The following TYW1B variants were observed in gnomAD, a reference collection of about 807,000 sequenced individuals.
TYW1B encodes the protein S-adenosyl-L-methionine-dependent tRNA 4-demethylwyosine synthase TYW1B.
A neutral mutation model predicts 86.9 loss-of-function variants in TYW1B; 73 were observed. That is an observed-to-expected ratio of 0.84 (90% confidence interval 0.70 to 1.02). The LOEUF is 1.02. Among genes scored for constraint, TYW1B ranks in the 50% least tolerant of loss-of-function variants. The probability of loss-of-function intolerance (pLI) is 0.00; values close to 1 mark genes in which losing one functional copy is unlikely to be tolerated. For missense variants in TYW1B, 637 were observed against 827.4 expected (o/e 0.77, Z 2.82); for synonymous variants, 248 against 292.8 (o/e 0.85, Z 1.56).
intron 11 of TYW1B, among the ~76,000 whole-genome samples, chr7:72,656,130 C>A (rs1307890341): frequency 6.6e-6 from 1 of 152,134 alleles, no homozygotes; most frequent in Admixed American, 6.6e-5. Flanking sequence ...GCTGATATCC[C>A]CTTCCCAGCA....
intron 13 of TYW1B, among the ~76,000 whole-genome samples, chr7:72,594,807 C>T (rs1811489789): frequency 6.6e-6 from 1 of 152,150 alleles, no homozygotes; most frequent in Non-Finnish European, 1.5e-5. Flanking sequence ...ATGCCCTGGA[C>T]AAGTGGGATT....
At chr7:72,743,562 G>A (rs139931109) in intron 8 of TYW1B, among the ~76,000 whole-genome samples, 2,109 of 152,246 alleles carry the variant, frequency 0.014, 44 homozygotes, top group African/African-American at 0.048. Context: ...TGGGTTAGTA[G>A]GCTGGGTGCA....
intron 9 of TYW1B, among the ~76,000 whole-genome samples, chr7:72,714,416 A>G (rs1786736517): frequency 6.6e-6 from 1 of 151,904 alleles, no homozygotes; most frequent in African/African-American, 2.4e-5. Flanking sequence ...AAGGAGTTCA[A>G]AACTAGCCTG....
chr7:72,604,712 G>A (rs1811754407), intron 13 of TYW1B, among the ~76,000 whole-genome samples: 1 of 152,108 alleles, frequency 6.6e-6, no homozygotes, highest in African/African-American at 2.4e-5. Context: ...AAGCTGCTAG[G>A]CTGAAAGCCC....
At chr7:72,745,174 G>A (rs543972215) in intron 7 of TYW1B, among the ~76,000 whole-genome samples, 32 of 152,236 alleles carry the variant, frequency 2.1e-4, no homozygotes, top group Middle Eastern at 6.8e-3. Flanking sequence ...ATGGGTGTGA[G>A]CCACCATGCC....
chr7:72,711,720 C>A (rs1348250677), intron 10 of TYW1B, among the ~76,000 whole-genome samples: 1 of 151,808 alleles, frequency 6.6e-6, no homozygotes, highest in Non-Finnish European at 1.5e-5. Context: ...ATCTCCTGAC[C>A]TGGTGATCCG....
At chr7:72,768,621 A>G in intron 7 of TYW1B, among the ~76,000 whole-genome samples, 1 of 151,976 alleles carries the variant, frequency 6.6e-6, no homozygotes, top group East Asian at 1.9e-4. Flanking sequence ...CCCCGTCTCT[A>G]CTAAAAATAC....
chr7:72,716,921 G>C (rs1786799199), intron 9 of TYW1B, among the ~76,000 whole-genome samples: 1 of 149,302 alleles, frequency 6.7e-6, no homozygotes, highest in African/African-American at 2.5e-5. Flanking sequence ...CCAAGACATA[G>C]GGTTCATTGA....
intron 7 of TYW1B, among the ~76,000 whole-genome samples, chr7:72,749,481 G>C (rs1178860818): frequency 6.6e-6 from 1 of 152,060 alleles, no homozygotes; most frequent in African/African-American, 2.4e-5. Flanking sequence ...TTTTAGTAGA[G>C]ACGGGGTTCA....
chr7:72,653,911 C>T (rs1366769409), intron 11 of TYW1B, among the ~76,000 whole-genome samples: 1 of 151,872 alleles, frequency 6.6e-6, no homozygotes, highest in East Asian at 1.9e-4. Flanking sequence ...TGAACCCTGT[C>T]TCTATTAAAA....
chr7:72,605,358 T>G (rs1811768737), intron 13 of TYW1B, among the ~76,000 whole-genome samples: 1 of 151,468 alleles, frequency 6.6e-6, no homozygotes, highest in Admixed American at 6.6e-5. Context: ...TTGTTTGTTT[T>G]GTTTTTTTTT....
intron 11 of TYW1B, among the ~76,000 whole-genome samples, chr7:72,643,190 CAAAA>C (rs1812843148): frequency 6.6e-6 from 1 of 151,710 alleles, no homozygotes; most frequent in South Asian, 2.1e-4. Flanking sequence ...AAAAAGGAAA[CAAAA>C]GAACAGAAAT....
At chr7:72,655,211 G>A (rs534883067) in intron 11 of TYW1B, among the ~76,000 whole-genome samples, 10 of 152,076 alleles carry the variant, frequency 6.6e-5, no homozygotes, top group Non-Finnish European at 8.8e-5. Flanking sequence ...GAAGGAGAGG[G>A]GAAAGGTAAG....
intron 13 of TYW1B, among the ~76,000 whole-genome samples, chr7:72,585,766 C>T (rs1245224937): frequency 2.6e-5 from 4 of 152,264 alleles, no homozygotes; most frequent in Non-Finnish European, 2.9e-5. Context: ...ACCCCAGCCA[C>T]GTGAACTGTG....
At chr7:72,594,061 A>T (rs1811469468) in intron 13 of TYW1B, among the ~76,000 whole-genome samples, 13 of 151,934 alleles carry the variant, frequency 8.6e-5, no homozygotes, top group Admixed American at 8.5e-4. Flanking sequence ...ACTGATTTTT[A>T]AAAAAGAAGA....
chr7:72,633,723 C>A (rs1311523501), intron 11 of TYW1B, among the ~76,000 whole-genome samples: 3 of 151,870 alleles, frequency 2.0e-5, no homozygotes, highest in African/African-American at 4.8e-5. Context: ...ATAAAATTCA[C>A]CTATGTTGCT....
At chr7:72,776,674 TTA>T in intron 7 of TYW1B, among the ~76,000 whole-genome samples, 1 of 16,358 alleles carries the variant, frequency 6.1e-5, no homozygotes, top group South Asian at 1.8e-3. Flanking sequence ...TAAAAATGAA[TTA>T]ATTTGAAAGA....
intron 13 of TYW1B, among the ~76,000 whole-genome samples, chr7:72,601,566 G>A (rs1275616976): frequency 6.6e-6 from 1 of 151,960 alleles, no homozygotes; most frequent in Non-Finnish European, 1.5e-5. Flanking sequence ...GTGCATTAAT[G>A]TTTAGAGCAG....
chr7:72,676,880 C>G lies in TYW1B; in HGVS notation c.1506+17807G>C, dbSNP rs190511898. Among the ~76,000 whole-genome samples, 4 of 152,174 alleles carry G rather than the reference C, an allele frequency of 2.6e-5. No individual in the cohort carries two copies. In the East Asian group the frequency reaches 7.7e-4, roughly 29 times the overall value. On this transcript the variant is annotated intron_variant, in intron 11 of 13. Coordinates refer to ENST00000620995, the MANE Select transcript of TYW1B (RefSeq NM_001145440.3). ...AGCTGAGGTGGGAGGATCGCTTGAA[C>G]CCAGGAGGCGGAGGTTGCAGTGTGC...
Sources: allele counts gnomAD v4.1 joint callset (sites outside exome capture counted in the v4.1 genomes callset), GRCh38; gene constraint gnomAD v4.1.1; transcripts MANE v1.5; gene names NCBI Gene and HGNC (gene_info 2026-07-23, HGNC 2026-07-21).